The following CHD9 variants were observed in gnomAD, a reference collection of about 807,000 sequenced individuals.
The protein encoded by CHD9 is chromodomain helicase DNA binding protein 9.
A neutral mutation model predicts 316.1 loss-of-function variants in CHD9; 77 were observed. The ratio of observed to expected loss-of-function variants is 0.24; its 90% CI spans 0.20 to 0.29. CHD9 has a LOEUF of 0.29. Among genes scored for constraint, CHD9 ranks in the 10% least tolerant of loss-of-function variants. The probability of loss-of-function intolerance (pLI) is 1.00; values close to 1 mark genes in which losing one functional copy is unlikely to be tolerated. For missense variants in CHD9, 2,763 were observed against 3,438.1 expected, an observed-to-expected ratio of 0.80 and a Z score of 4.91; for synonymous variants, 1,129 against 1,158.3, an observed-to-expected ratio of 0.97 and a Z score of 0.51.
chr16:53,183,165 A>G (rs2043671138), intron 2 of CHD9, among the ~76,000 whole-genome samples: 2 of 152,214 alleles, frequency 1.3e-5, no homozygotes, highest in Admixed American at 1.3e-4. Flanking sequence ...CAAAAACAGA[A>G]AAGTGTAGAA....
intron 30 of CHD9, among the ~76,000 whole-genome samples, chr16:53,297,694 C>T (rs1567643533): frequency 6.6e-6 from 1 of 152,210 alleles, no homozygotes; most frequent in Non-Finnish European, 1.5e-5. Flanking sequence ...CATAGCTCAT[C>T]CTGTCAACAG....
chr16:53,241,332 C>G (rs1251835037), intron 12 of CHD9, among the ~76,000 whole-genome samples: 1 of 152,172 alleles, frequency 6.6e-6, no homozygotes, highest in Non-Finnish European at 1.5e-5. Context: ...TTCCCTATAT[C>G]TAAACTTTGG....
rs1297934923 is a variant in CHD9 at position 53,304,316 on chromosome 16, A to T, written c.6310A>T (p.Met2104Leu). ...SGGKCETDRR[M>L]VAARTEPLTP... ...TGGAAAATGTGAAACAGACAGACGCATGGTTGCAGCCAGAACAGAACCCCT... is the reference window on the plus strand; with the variant it reads ...TGGAAAATGTGAAACAGACAGACGCTTGGTTGCAGCCAGAACAGAACCCCT... Residue 2104 changes from methionine (M) to leucine (L), a missense_variant, in exon 31 of 39, where the codon ATG becomes TTG. This residue lies in a region of CHD9 where 663 missense variants were observed against 751.2 expected (regional missense o/e 0.88). Transcript: ENST00000447540. 4 of 1,612,290 alleles carry T rather than the reference A, an allele frequency of 2.5e-6. No homozygotes were observed. In the African/African-American group the frequency reaches 5.3e-5, roughly 22 times the overall value.
chr16:53,252,849 T>C (rs2050242183), intron 17 of CHD9, among the ~76,000 whole-genome samples: 1 of 152,092 alleles, frequency 6.6e-6, no homozygotes, highest in Non-Finnish European at 1.5e-5. Flanking sequence ...CACATTGAAA[T>C]ACCACTTTAC....
chr16:53,115,775 G>C (rs753741568), intron 1 of CHD9, among the ~76,000 whole-genome samples: 1 of 152,130 alleles, frequency 6.6e-6, no homozygotes, highest in Non-Finnish European at 1.5e-5. Context: ...AGTGGATGGA[G>C]ACAAAAAGTA....
rs1405747625 is a variant in CHD9 at position 53,155,788 on chromosome 16, A to G, written c.-164-138A>G. 1.0e-5 allele frequency: 3 copies of G among 294,208 alleles called. No homozygotes were observed. In the Admixed American group the frequency reaches 1.5e-4, roughly 14 times the overall value. 18.2% of individuals were successfully genotyped at this position (294,208 alleles called of 1,614,324 possible). ...TATACTTGCCTACTTTTGACATTTT[A>G]TATAAATCGAGTCATATAATATGTG... On this transcript the variant is annotated intron_variant, in intron 1 of 38. Transcript: ENST00000447540.
chr16:53,214,829 CA>C (rs1266886557), intron 3 of CHD9, among the ~76,000 whole-genome samples: 1 of 151,814 alleles, frequency 6.6e-6, no homozygotes, highest in African/African-American at 2.4e-5. Context: ...CAGTAGAAGA[CA>C]AATATTGCCA....
chr16:53,157,919 A>G (rs1221438467), intron 2 of CHD9, among the ~76,000 whole-genome samples: 1 of 152,216 alleles, frequency 6.6e-6, no homozygotes, highest in Non-Finnish European at 1.5e-5. Context: ...ATATTCCTAT[A>G]AAAAGCTTTA....
intron 1 of CHD9, among the ~76,000 whole-genome samples, chr16:53,122,442 A>G (rs1160851388): frequency 1.3e-5 from 2 of 152,168 alleles, no homozygotes; most frequent in Non-Finnish European, 2.9e-5. Context: ...TATAATTAAA[A>G]TATTATCTTT....
chr16:53,137,032 G>C (rs2039769148), intron 1 of CHD9, among the ~76,000 whole-genome samples: 1 of 151,668 alleles, frequency 6.6e-6, no homozygotes, highest in Non-Finnish European at 1.5e-5. Context: ...GGAGTGCAGT[G>C]GTGCAATCTC....
intron 3 of CHD9, among the ~76,000 whole-genome samples, chr16:53,215,689 T>C (rs2046699990): frequency 6.6e-6 from 1 of 152,210 alleles, no homozygotes; most frequent in Non-Finnish European, 1.5e-5. Context: ...ATGGACTAAT[T>C]GGGTAAGATT....
chr16:53,314,455 G>C lies in CHD9; in HGVS notation c.7301G>C (p.Arg2434Thr). The C allele has an allele frequency of 6.3e-7, 1 of 1,586,268 alleles. No homozygotes were observed. The highest frequency in any genetic ancestry group is 8.6e-7 in the Non-Finnish European group (1 of 1,164,756). The stretch of plus-strand genomic sequence containing the variant: ...CCTATAGTCAAAAAAAGGCGAGGAA[G>C]GAGGAAGAATGTAGAAGGTGTTGAC... ...NQPIVKKRRG[R>T]RKNVEGVDIF... Residue 2434 changes from arginine to threonine, a missense_variant, in exon 35 of 39, where the codon AGG (arginine) becomes ACG (threonine). By Grantham distance (71) the Arg-to-Thr change is moderately conservative. Transcript: ENST00000447540.
intron 38 of CHD9, 33 bp from the exon 39 acceptor site, chr16:53,323,987 T>A (rs373262972): frequency 3.4e-5 from 52 of 1,510,852 alleles, no homozygotes; most frequent in Non-Finnish European, 3.4e-5. Context: ...TATTTTCATG[T>A]AGGGATTATT....
chr16:53,248,336 A>T (rs1597631570), intron 16 of CHD9, among the ~76,000 whole-genome samples: 1 of 49,198 alleles, frequency 2.0e-5, no homozygotes, highest in African/African-American at 1.4e-4. Context: ...ACTCTGTCTC[A>T]AAAAAAAAAA....
At chr16:53,232,380 A>C (rs1429482574) in intron 10 of CHD9, among the ~76,000 whole-genome samples, 1 of 152,162 alleles carries the variant, frequency 6.6e-6, no homozygotes, top group East Asian at 1.9e-4. Context: ...TGCATATCAG[A>C]ATCTCTTCTG....
At chr16:53,221,996 C>G (rs1250237018) in intron 3 of CHD9, among the ~76,000 whole-genome samples, 1 of 150,462 alleles carries the variant, frequency 6.6e-6, no homozygotes, top group East Asian at 1.9e-4. Context: ...TAATCTTAAG[C>G]CTAAAAAACA....
At chr16:53,231,388 A>T in intron 8 of CHD9, 31 bp from the exon 9 acceptor site, 1 of 1,239,636 alleles carries the variant, frequency 8.1e-7, no homozygotes, top group Non-Finnish European at 1.2e-6. Context: ...GTTCTTTGTC[A>T]GATGTCAATT....
chr16:53,105,632 TA>T (rs2037283678), intron 1 of CHD9, among the ~76,000 whole-genome samples: 1 of 152,154 alleles, frequency 6.6e-6, no homozygotes, highest in Non-Finnish European at 1.5e-5. Flanking sequence ...TTTCAGCTTT[TA>T]AAAGAGCCTG....
At chr16:53,145,446 C>G (rs957031625) in intron 1 of CHD9, among the ~76,000 whole-genome samples, 1 of 151,412 alleles carries the variant, frequency 6.6e-6, no homozygotes, top group African/African-American at 2.4e-5. Context: ...CCACCATGCC[C>G]GGCCAATCCC....
Sources: allele counts gnomAD v4.1 joint callset (sites outside exome capture counted in the v4.1 genomes callset), GRCh38; gene constraint gnomAD v4.1.1; regional missense constraint gnomAD v4.1.1; transcripts MANE v1.5; gene names NCBI Gene and HGNC (gene_info 2026-07-23, HGNC 2026-07-21).